Variants in ENG observed in about 807,000 individuals in gnomAD.
ENG encodes endoglin, also known as CD105 antigen.
Under a neutral mutation model 71.0 loss-of-function variants are expected in ENG, and 17 were observed. The ratio of observed to expected loss-of-function variants is 0.24; its 90% confidence interval spans 0.16 to 0.36. ENG has a LOEUF of 0.36. Among genes scored for constraint, ENG ranks in the 10% least tolerant of loss-of-function variants. The pLI, the probability that ENG is intolerant of heterozygous loss-of-function variation, is 1.00. For missense variants in ENG, 749 were observed against 868.3 expected, an observed-to-expected ratio of 0.86 and a Z score of 1.73; for synonymous variants, 360 against 366.9, an observed-to-expected ratio of 0.98 and a Z score of 0.21.
At position 127,815,546 on chromosome 9, in the gene ENG, G is replaced by A. The variant is rs2131870239; in HGVS notation, c.*136C>T. On this transcript the variant is annotated 3_prime_UTR_variant, in exon 15 of 15. Coordinates refer to ENST00000373203, the MANE Select transcript of ENG (RefSeq NM_001114753.3). Reference sequence around the variant, plus strand: ...ACTGGCAGCAGGCCTCTGAGAGGGAGGCGGGAAGGGTAGGCGCGGAGAGCA... The same window carrying A: ...ACTGGCAGCAGGCCTCTGAGAGGGAAGCGGGAAGGGTAGGCGCGGAGAGCA... 7.0e-7 allele frequency: 1 copy of A among 1,436,892 alleles called. No homozygotes were observed. Among genetic ancestry groups the A allele is most frequent in the East Asian group, 2.5e-5 (1 of 40,082 alleles). 89.0% of individuals were successfully genotyped at this position (1,436,892 alleles called of 1,614,324 possible).
At chr9:127,831,107 CTTTACACAT>C (rs1830754087) in intron 2 of ENG, among the ~76,000 whole-genome samples, 1 of 151,702 alleles carries the variant, frequency 6.6e-6, no homozygotes, top group Admixed American at 6.6e-5. Context: ...GTTCTAAGTG[CTTTACACAT>C]TAACTCATTT....
At position 127,838,108 on chromosome 9, in the gene ENG, C is replaced by A. The variant is rs1220963098; in HGVS notation, c.219+4986G>T. 6.6e-6 allele frequency among the ~76,000 whole-genome samples: 1 copy of A among 152,222 alleles called. No homozygotes were observed. Among genetic ancestry groups the A allele is most frequent in the African/African-American group, 2.4e-5 (1 of 41,446 alleles). The stretch of plus-strand genomic sequence containing the variant: ...CCCAAACTCCACCATGCCTGCCTCC[C>A]CAAGTAGCCAACTCAACCATCCTTC... On this transcript the variant is annotated intron_variant, in intron 2 of 14. Transcript: ENST00000373203. The surrounding 1 kb of genome is among the most constrained non-coding windows in gnomAD (Gnocchi z 4.3).
intron 11 of ENG, 154 bp downstream of exon 11, chr9:127,818,562 C>T (rs1255309774): frequency 7.3e-7 from 1 of 1,367,120 alleles, no homozygotes; most frequent in African/African-American, 1.4e-5. Context: ...TGTCCCTGAG[C>T]AATGCCTTCT....
chr9:127,818,293 C>G lies in ENG; in HGVS notation c.1513G>C (p.Glu505Gln). The change falls in exon 12 of 15, where the codon GAA (glutamate) becomes CAA (glutamine). Residue 505 changes from glutamate to glutamine, a missense_variant. Physicochemically the swap from Glu to Gln is conservative, Grantham distance 29 (BLOSUM62 2). Coordinates refer to ENST00000373203, the MANE Select transcript of ENG (RefSeq NM_001114753.3). ...TTGGCCGCCCGGCCCTGGATGAGTTCCACGGTGCCTCCCTCAGGCCCCAAG... is the reference window on the plus strand; with the variant it reads ...TTGGCCGCCCGGCCCTGGATGAGTTGCACGGTGCCTCCCTCAGGCCCCAAG... Reference protein sequence around the residue: ...LDLGPEGGTVELIQGRAAKGN... With the variant: ...LDLGPEGGTVQLIQGRAAKGN... 6.2e-7 allele frequency: 1 copy of G among 1,614,112 alleles called. No homozygotes were observed. The highest frequency in any genetic ancestry group is 1.1e-5 in the South Asian group (1 of 91,078).
At chr9:127,843,271 G>A (rs765549592) in intron 1 of ENG, 26 bp from the exon 2 acceptor site, 7 of 1,613,894 alleles carry the variant, frequency 4.3e-6, no homozygotes, top group Non-Finnish European at 5.9e-6. Flanking sequence ...CCGGAAAGAG[G>A]CCAGGTGAGA....
chr9:127,834,221 C>T lies in ENG; in HGVS notation c.220-4394G>A, dbSNP rs551957051. On this transcript the variant is annotated intron_variant, in intron 2 of 14. Coordinates refer to ENST00000373203, the MANE Select transcript of ENG (RefSeq NM_001114753.3). ...CCAAGTAGCTGGGACTACAGGCGTG[C>T]GCCACCATGCCCAGCTAATTTTTGT... is the stretch of plus-strand genomic sequence containing the variant. 2.3e-4 allele frequency among the ~76,000 whole-genome samples: 35 copies of T among 151,602 alleles called. No homozygotes were observed. In the East Asian group the frequency reaches 3.1e-3, roughly 14 times the overall value.
rs866646256 is a variant in ENG, at chr9:127,815,686, G to T, written c.1973C>A (p.Ala658Glu). ...QSTPCSTSSMA is the reference protein window; with the variant it reads ...QSTPCSTSSME ...GGCGAGCGCGGGGGGCCGGGGCTATGCCATGCTGCTGGTGGAGCAGGGGGT... is the reference window on the plus strand; with the variant it reads ...GGCGAGCGCGGGGGGCCGGGGCTATTCCATGCTGCTGGTGGAGCAGGGGGT... Residue 658 changes from alanine (A) to glutamate (E), a missense_variant, in exon 15 of 15, where the codon GCA becomes GAA. Ala to Glu is a moderately radical substitution (Grantham distance 107, BLOSUM62 -1). Coordinates refer to ENST00000373203, the MANE Select transcript of ENG (RefSeq NM_001114753.3). 1.3e-6 allele frequency: 2 copies of T among 1,561,992 alleles called. No homozygotes were observed. Among genetic ancestry groups the T allele is most frequent in the Non-Finnish European group, 1.7e-6 (2 of 1,160,642 alleles).
Position 127,819,926 on chromosome 9 carries a change from C to A in ENG, c.1246G>T (p.Val416Leu). The change falls in exon 9 of 15, where the codon GTG becomes TTG. Residue 416 changes from valine (V) to leucine (L), a missense_variant. Physicochemically the swap from Val to Leu is conservative, Grantham distance 32. Transcript: ENST00000373203. ...TCATTGCTGATCATACTTGCTGACA[C>A]CTGCATGCCACAGCTGGAGTAAGCA... ...RSAYSSCGMQ[V>L]SASMISNEAV... The A allele has an allele frequency of 4.3e-6, 7 of 1,614,268 alleles. No homozygotes were observed. Among genetic ancestry groups the A allele is most frequent in the Non-Finnish European group, 5.9e-6 (7 of 1,180,056 alleles).
At position 127,815,532 on chromosome 9, in the gene ENG, G is replaced by T. The variant is rs886063475; in HGVS notation, c.*150C>A. 1.6e-5 allele frequency: 22 copies of T among 1,404,706 alleles called. No homozygotes were observed. Among genetic ancestry groups the T allele is most frequent in the Middle Eastern group, 5.2e-4 (2 of 3,870 alleles). The allele number at this position is 1,404,706 out of a possible 1,614,324, so 87.0% of individuals were successfully genotyped here. A position where few individuals can be genotyped will look rare whatever the true frequency, so the allele number is the denominator to read the frequency against. ...AAGCCAGTGGCTGCACTGGCAGCAG[G>T]CCTCTGAGAGGGAGGCGGGAAGGGT... On this transcript the variant is annotated 3_prime_UTR_variant, in exon 15 of 15. Coordinates refer to ENST00000373203, the MANE Select transcript of ENG (RefSeq NM_001114753.3).
chr9:127,843,729 CCACATA>C lies in ENG; in HGVS notation c.68-490_68-485del, dbSNP rs1347970843. ...GATATACATATATACACCCACACATCCACATACATATATATATATATATATATTTTT... is the reference window on the plus strand; with the variant it reads ...GATATACATATATACACCCACACATCCATATATATATATATATATATTTTT... On this transcript the variant is annotated intron_variant, in intron 1 of 14. Coordinates refer to ENST00000373203, the MANE Select transcript of ENG (RefSeq NM_001114753.3). Among the ~76,000 whole-genome samples, 28 of 52,460 alleles carry C rather than the reference CCACATA, an allele frequency of 5.3e-4. 1 individual carries two copies. Among genetic ancestry groups the C allele is most frequent in the African/African-American group, 2.2e-3 (28 of 12,762 alleles). The allele number at this position is 52,460 out of a possible 152,430, so 34.4% of individuals were successfully genotyped here. A position where few individuals can be genotyped will look rare whatever the true frequency, so the allele number is the denominator to read the frequency against.
At chr9:127,824,087 C>T (rs1243769874) in intron 8 of ENG, among the ~76,000 whole-genome samples, 1 of 152,216 alleles carries the variant, frequency 6.6e-6, no homozygotes, top group African/African-American at 2.4e-5. Context: ...CTATGTACCA[C>T]ATCTTACTGT....
Position 127,825,362 on chromosome 9 carries a change from G to A in ENG, c.690-5C>T, listed in dbSNP as rs374628465. 79 of 1,609,634 alleles carry A rather than the reference G, an allele frequency of 4.9e-5. No individual in the cohort carries two copies. Among genetic ancestry groups the A allele is most frequent in the Non-Finnish European group, 6.0e-5 (71 of 1,179,612 alleles). ...TTCACCGTCACCGTCCGGGGCCTGCGGGGAGACAGACGCGGATGGAACACT... is the reference window on the plus strand; with the variant it reads ...TTCACCGTCACCGTCCGGGGCCTGCAGGGAGACAGACGCGGATGGAACACT... On this transcript the variant is annotated splice_polypyrimidine_tract_variant and splice_region_variant and intron_variant, in intron 5 of 14. Transcript: ENST00000373203.
At chr9:127,847,632 T>C (rs1377010383) in intron 1 of ENG, among the ~76,000 whole-genome samples, 1 of 152,122 alleles carries the variant, frequency 6.6e-6, no homozygotes, top group Non-Finnish European at 1.5e-5. Flanking sequence ...GTATTTTTTG[T>C]AGAGACGGGG....
At chr9:127,848,671 G>C (rs941831132) in intron 1 of ENG, among the ~76,000 whole-genome samples, 1 of 152,148 alleles carries the variant, frequency 6.6e-6, no homozygotes, top group Admixed American at 6.5e-5. Context: ...ATCCGTCCTT[G>C]GGTGTCCTTG....
At position 127,824,645 on chromosome 9, in the gene ENG, A is replaced by T. The variant is rs41476449; in HGVS notation, c.991+155T>A. On this transcript the variant is annotated intron_variant, in intron 7 of 14. Coordinates refer to ENST00000373203, the MANE Select transcript of ENG (RefSeq NM_001114753.3). ...GCGATTCTCAGGCTCTTCTATGATTAGCTACTCCCATTGTTCCCATGTGCA... is the reference window on the plus strand; with the variant it reads ...GCGATTCTCAGGCTCTTCTATGATTTGCTACTCCCATTGTTCCCATGTGCA... Among the ~76,000 whole-genome samples, 171 of 146,034 alleles carry T rather than the reference A, an allele frequency of 1.2e-3. 1 individual carries two copies. Among genetic ancestry groups the T allele is most frequent in the Non-Finnish European group, 2.1e-3 (138 of 67,314 alleles).
chr9:127,838,849 C>T lies in ENG; in HGVS notation c.219+4245G>A, dbSNP rs1446478226. 2.6e-5 allele frequency among the ~76,000 whole-genome samples: 4 copies of T among 152,264 alleles called. No homozygotes were observed. The highest frequency in any genetic ancestry group is 3.9e-4 in the East Asian group (2 of 5,180). On this transcript the variant is annotated intron_variant, in intron 2 of 14. Transcript: ENST00000373203. The surrounding 1 kb of genome is among the most constrained non-coding windows in gnomAD (Gnocchi z 4.3). ...GCTGTCTGCAGACCTGCCCAGCACA[C>T]GCACTGAGCGGCACTTCCCCAAGGC...
chr9:127,819,288 C>G, intron 10 of ENG: 1 of 364,878 alleles, frequency 2.7e-6, no homozygotes, highest in East Asian at 6.4e-5. Flanking sequence ...AGCTGCCAGG[C>G]TGTGTGAAGA....
chr9:127,816,034 G>T lies in ENG; in HGVS notation c.1761C>A (p.Leu587=). The change falls in exon 14 of 15, where the codon CTC becomes CTA. Residue 587 remains leucine (L), a synonymous_variant. Coordinates refer to ENST00000373203, the MANE Select transcript of ENG (RefSeq NM_001114753.3). The part of the protein sequence containing the change: ...PDLSGCTSKG[L]VLPAVLGITF... ...TGATGCCCAGCACGGCGGGCAGGAC[G>T]AGGCCTTTGCTTGTGCAACCTAGAG... 1 of 1,610,324 alleles carries T rather than the reference G, an allele frequency of 6.2e-7. No individual in the cohort carries two copies. The highest frequency in any genetic ancestry group is 1.7e-5 in the Admixed American group (1 of 59,670).
intron 3 of ENG, 100 bp downstream of exon 3, chr9:127,829,587 G>C: frequency 6.7e-7 from 1 of 1,496,204 alleles, no homozygotes; most frequent in South Asian, 1.2e-5. Flanking sequence ...GGAGAAGCAG[G>C]GCTGGGCCGC....
Sources: allele counts gnomAD v4.1 joint callset (sites outside exome capture counted in the v4.1 genomes callset), GRCh38; gene constraint gnomAD v4.1.1; non-coding constraint Gnocchi (gnomAD v3.1); transcripts MANE v1.5; gene names NCBI Gene and HGNC (gene_info 2026-07-23, HGNC 2026-07-21).